Variants in STK24 observed in about 807,000 individuals in gnomAD.
STK24 encodes the protein serine/threonine kinase 24.
In STK24, 21 loss-of-function variants were observed where a neutral mutation model predicts 55.6. The ratio of observed to expected loss-of-function variants is 0.38; its 90% CI spans 0.27 to 0.54. The LOEUF is 0.54. Among genes scored for constraint, STK24 ranks in the 20% least tolerant of loss-of-function variants. The pLI is 0.79. For synonymous variants in STK24, 200 were observed against 215.2 expected (o/e 0.93, Z 0.62); for missense variants, 383 against 538.4 (o/e 0.71, Z 2.86).
At chr13:98,474,203 T>C (rs12864890) in intron 5 of STK24, among the ~76,000 whole-genome samples, 83,423 of 151,804 alleles carry the variant, frequency 0.55, 23,307 homozygotes, top group African/African-American at 0.59. Context: ...ATTAGGAGAG[T>C]GTCCCTAACA....
chr13:98,490,553 G>T (rs1378585090), intron 2 of STK24, among the ~76,000 whole-genome samples: 1 of 152,092 alleles, frequency 6.6e-6, no homozygotes, highest in African/African-American at 2.4e-5. Context: ...AAAGGGGTGG[G>T]GGCAGGACAT....
chr13:98,529,637 A>G (rs545720530), intron 1 of STK24, among the ~76,000 whole-genome samples: 1 of 152,206 alleles, frequency 6.6e-6, no homozygotes, highest in South Asian at 2.1e-4. Context: ...ACAAAATTTG[A>G]CTGGTGGAGA....
intron 1 of STK24, among the ~76,000 whole-genome samples, chr13:98,569,764 G>A (rs1594678013): frequency 6.6e-6 from 1 of 151,764 alleles, no homozygotes; most frequent in African/African-American, 2.4e-5. Context: ...GGGAGAGCGG[G>A]GAGCCCATGT....
intron 2 of STK24, among the ~76,000 whole-genome samples, chr13:98,496,791 G>A (rs1262564094): frequency 5.9e-5 from 9 of 152,340 alleles, no homozygotes; most frequent in Admixed American, 1.3e-4. Flanking sequence ...ATTAATCGGA[G>A]CCAACAAATG....
chr13:98,467,501 C>A (rs1893968616), intron 5 of STK24, among the ~76,000 whole-genome samples: 1 of 152,256 alleles, frequency 6.6e-6, no homozygotes, highest in Non-Finnish European at 1.5e-5. Context: ...GCTCTTTCAA[C>A]CTACAACAGT....
intron 2 of STK24, among the ~76,000 whole-genome samples, chr13:98,496,094 C>A (rs150499569): frequency 6.6e-6 from 1 of 152,120 alleles, no homozygotes. Context: ...TACACTCATG[C>A]GGGAGGGGAC....
At chr13:98,465,088 T>C (rs1030528142) in intron 6 of STK24, among the ~76,000 whole-genome samples, 5 of 152,132 alleles carry the variant, frequency 3.3e-5, no homozygotes, top group African/African-American at 4.8e-5. Context: ...AGGATGGCGA[T>C]AGTGACAGGG....
At chr13:98,457,143 G>A (rs747564766) in intron 10 of STK24, 25 bp downstream of exon 10, 42 of 1,603,800 alleles carry the variant, frequency 2.6e-5, no homozygotes, top group Non-Finnish European at 3.4e-5. Flanking sequence ...TCCTTCCCCA[G>A]CCCAGAGGGG....
At chr13:98,521,940 G>C in intron 1 of STK24, 1 of 1,249,562 alleles carries the variant, frequency 8.0e-7, no homozygotes, top group East Asian at 2.3e-5. Flanking sequence ...CTCTGCCCTT[G>C]GCAACATGCT....
intron 2 of STK24, among the ~76,000 whole-genome samples, chr13:98,485,868 C>T (rs1894786085): frequency 1.3e-5 from 2 of 152,242 alleles, no homozygotes; most frequent in African/African-American, 4.8e-5. Context: ...CACCGCCTGG[C>T]ACTTCTGGGG....
intron 1 of STK24, among the ~76,000 whole-genome samples, chr13:98,572,219 C>T (rs576191877): frequency 1.1e-3 from 169 of 152,252 alleles, no homozygotes; most frequent in African/African-American, 4.0e-3. Context: ...CTGCCTCCAA[C>T]GACTCCGGGC....
intron 2 of STK24, among the ~76,000 whole-genome samples, chr13:98,493,598 G>A (rs1041550644): frequency 6.6e-6 from 1 of 152,078 alleles, no homozygotes; most frequent in African/African-American, 2.4e-5. Context: ...TATGAAGCTA[G>A]TAACACGTGT....
chr13:98,576,813 ACGGGACGGCCGGGCCGCGACGATCCGCG>A lies in STK24; in HGVS notation c.-55_-28del, dbSNP rs1443988657. 9.9e-6 allele frequency: 13 copies of A among 1,308,182 alleles called. No homozygotes were observed. Among genetic ancestry groups the A allele is most frequent in the Non-Finnish European group, 1.3e-5 (13 of 1,023,988 alleles). The allele number at this position is 1,308,182 out of a possible 1,614,324, so 81.0% of individuals were successfully genotyped here. On this transcript the variant is annotated 5_prime_UTR_variant, in exon 1 of 11. Transcript: ENST00000539966. The stretch of plus-strand genomic sequence containing the variant: ...GCGCTCAGGACGGCCACTTCCTGGG[ACGGGACGGCCGGGCCGCGACGATCCGCG>A]CGGGGCGGCGAGGCCCGCGGGCCGC...
intron 1 of STK24, among the ~76,000 whole-genome samples, chr13:98,551,425 C>A (rs954696060): frequency 5.9e-5 from 9 of 151,844 alleles, no homozygotes; most frequent in Admixed American, 3.9e-4. Context: ...ATTAAGGAGA[C>A]TTGGAACCCC....
chr13:98,456,520 C>T (rs765366137), intron 10 of STK24: 1 of 516,394 alleles, frequency 1.9e-6, no homozygotes. Context: ...TGCACTTGTG[C>T]CAGATGGCAG....
intron 9 of STK24, among the ~76,000 whole-genome samples, chr13:98,458,455 G>C (rs1893557670): frequency 6.6e-6 from 1 of 152,208 alleles, no homozygotes; most frequent in Admixed American, 6.5e-5. Context: ...CTTCGCTACT[G>C]AAGGGGCAGG....
Position 98,448,160 on chromosome 13 carries a change from C to A in STK24, c.*5013G>T. 1 of 1,271,816 alleles carries A rather than the reference C, an allele frequency of 7.9e-7. No individual in the cohort carries two copies. Among genetic ancestry groups the A allele is most frequent in the Non-Finnish European group, 1.1e-6 (1 of 870,274 alleles). The allele number at this position is 1,271,816 out of a possible 1,614,324, so 78.8% of individuals were successfully genotyped here. Reference sequence around the variant, plus strand: ...GGCGGCCTGACTTCACCTTGTGTTTCTGTAAGCGATGCCCACCAAAGTGTC... The same window carrying A: ...GGCGGCCTGACTTCACCTTGTGTTTATGTAAGCGATGCCCACCAAAGTGTC... On this transcript the variant is annotated 3_prime_UTR_variant, in exon 11 of 11. Coordinates refer to ENST00000539966, the MANE Select transcript of STK24 (RefSeq NM_001032296.4).
Position 98,461,444 on chromosome 13 carries a change from C to G in STK24, c.1053+330G>C, listed in dbSNP as rs77357724. On this transcript the variant is annotated intron_variant, in intron 8 of 10. Coordinates refer to ENST00000539966, the MANE Select transcript of STK24 (RefSeq NM_001032296.4). ...TATGTATGTAAGTAACCGCAACATG[C>G]ACAACAGTCCCTCAGAGCTATGAAG... 7.9e-3 allele frequency among the ~76,000 whole-genome samples: 1,201 copies of G among 152,316 alleles called. 18 individuals carry two copies. The highest frequency in any genetic ancestry group is 0.027 in the African/African-American group (1,126 of 41,554).
rs568958002 is a variant in STK24, at chr13:98,451,309, C to T, written c.*1864G>A. The T allele has an allele frequency of 6.6e-6, 1 of 152,300 alleles. No individual in the cohort carries two copies. The highest frequency in any genetic ancestry group is 2.1e-4 in the South Asian group (1 of 4,822). 9.4% of individuals were successfully genotyped at this position (152,300 alleles called of 1,614,324 possible). A position where few individuals can be genotyped will look rare whatever the true frequency, so the allele number is the denominator to read the frequency against. Reference sequence around the variant, plus strand: ...ATGCCGCCGGCCTCACGTAAGGAAACAGTTCCCCACACAGAATACTCCCTG... The same window carrying T: ...ATGCCGCCGGCCTCACGTAAGGAAATAGTTCCCCACACAGAATACTCCCTG... On this transcript the variant is annotated 3_prime_UTR_variant, in exon 11 of 11. Coordinates refer to ENST00000539966, the MANE Select transcript of STK24 (RefSeq NM_001032296.4).
Sources: gnomAD v4.1 joint callset for allele counts (sites outside exome capture counted in the v4.1 genomes callset) on GRCh38, gnomAD v4.1.1 for gene constraint, MANE v1.5 for transcripts, NCBI Gene and HGNC (gene_info 2026-07-23, HGNC 2026-07-21) for gene names.